The following ANKRD13D variants were observed in gnomAD, a reference collection of about 807,000 sequenced individuals.
ANKRD13D encodes ankyrin repeat domain-containing protein 13D.
Under a neutral mutation model 68.8 loss-of-function variants are expected in ANKRD13D, and 24 were observed. The ratio of observed to expected loss-of-function variants is 0.35; its 90% CI spans 0.25 to 0.49. ANKRD13D has a LOEUF of 0.49. Ranked by LOEUF, ANKRD13D falls within the 20% of genes least tolerant of loss-of-function variation. The probability of loss-of-function intolerance (pLI) is 0.99; values close to 1 mark genes in which losing one functional copy is unlikely to be tolerated. For missense variants in ANKRD13D, 735 were observed against 832.1 expected, an observed-to-expected ratio of 0.88 and a Z score of 1.44; for synonymous variants, 331 against 336.1, an observed-to-expected ratio of 0.98 and a Z score of 0.16.
intron 3 of ANKRD13D, chr11:67,291,197 A>C (rs1184499447): frequency 1.2e-5 from 5 of 416,944 alleles, no homozygotes; most frequent in Admixed American, 8.4e-5. Flanking sequence ...TCTCTACAAA[A>C]AGTACAAAAA....
Position 67,301,962 on chromosome 11 carries a change from T to C in ANKRD13D, c.1604+139T>C. ...CAGCAGCGCTATCTGCCACCAAAGG[T>C]GGTGTGAGGGGTGGGGAAGCAGGGC... On this transcript the variant is annotated intron_variant, in intron 14 of 14. Transcript: ENST00000511455. This position sits in a 1 kb window ranked among gnomAD's most constrained non-coding sequence, Gnocchi z 4.5. 6 of 1,326,144 alleles carry C rather than the reference T, an allele frequency of 4.5e-6. No individual in the cohort carries two copies. Among genetic ancestry groups the C allele is most frequent in the Non-Finnish European group, 5.1e-6 (5 of 985,466 alleles). The allele number at this position is 1,326,144 out of a possible 1,614,324, so 82.1% of individuals were successfully genotyped here.
At chr11:67,297,159 A>G (rs1467033413) in intron 6 of ANKRD13D, among the ~76,000 whole-genome samples, 4 of 151,618 alleles carry the variant, frequency 2.6e-5, no homozygotes, top group African/African-American at 9.7e-5. Flanking sequence ...TTGATTTGAG[A>G]TCTTCTTTCT....
In ANKRD13D at chr11:67,300,583, A is replaced by G. The variant is rs1264498648; in HGVS notation, c.1074-407A>G. The G allele has an allele frequency of 1.3e-5, 5 of 378,692 alleles. No individual in the cohort carries two copies. The highest frequency in any genetic ancestry group is 6.2e-5 in the African/African-American group (3 of 48,552). 23.5% of individuals were successfully genotyped at this position (378,692 alleles called of 1,614,324 possible). A position where few individuals can be genotyped will look rare whatever the true frequency, so the allele number is the denominator to read the frequency against. ...TCAGGAGGATTCTCTTAGCCACCCA[A>G]CAGTCGCTGGGATTCGAACCCTGGC... is the stretch of plus-strand genomic sequence containing the variant. On this transcript the variant is annotated intron_variant, in intron 10 of 14. Coordinates refer to ENST00000511455, the MANE Select transcript of ANKRD13D (RefSeq NM_207354.3). This position sits in a 1 kb window ranked among gnomAD's most constrained non-coding sequence, Gnocchi z 4.3.
rs186933117 is a variant in ANKRD13D, at chr11:67,290,004, C to T, written c.91-74C>T. 195 of 1,484,772 alleles carry T rather than the reference C, an allele frequency of 1.3e-4. 1 individual carries two copies. The East Asian group carries it at 4.4e-3, about 33-fold the overall frequency. 92.0% of individuals were successfully genotyped at this position (1,484,772 alleles called of 1,614,324 possible). On this transcript the variant is annotated intron_variant, in intron 1 of 14. Transcript: ENST00000511455. ...CCTTATTTCCCACAGCGATTCCCAA[C>T]CCTGCTCGCCCTGGCAGCCTCCCTG...
At chr11:67,297,883 T>C (rs1051451339) in intron 6 of ANKRD13D, 1 of 152,074 alleles carries the variant, frequency 6.6e-6, no homozygotes, top group Non-Finnish European at 1.5e-5. Flanking sequence ...TTCTGATTTC[T>C]CTTTTGATTT....
chr11:67,290,997 G>A (rs936553637), intron 3 of ANKRD13D: 2 of 190,960 alleles, frequency 1.0e-5, no homozygotes, highest in African/African-American at 4.8e-5. Context: ...CCACTGTAGT[G>A]CCCCACTTGG....
chr11:67,292,156 A>G lies in ANKRD13D; in HGVS notation c.707A>G (p.Asp236Gly). 1 of 1,603,662 alleles carries G rather than the reference A, an allele frequency of 6.2e-7. No individual in the cohort carries two copies. Among genetic ancestry groups the G allele is most frequent in the South Asian group, 1.1e-5 (1 of 90,766 alleles). Residue 236 changes from aspartate (D) to glycine (G), a missense_variant, in exon 6 of 15, where the codon GAC becomes GGC. Transcript: ENST00000511455. ...LTSPIVSTHL[D>G]TRNVAFERNK... ...TCTCCTATCGTCTCCACCCACCTGG[A>G]CACTCGTAATGTGGCCTTTGAGAGG...
intron 3 of ANKRD13D, 27 bp from the exon 4 acceptor site, chr11:67,291,449 C>T (rs780618745): frequency 1.2e-6 from 2 of 1,613,154 alleles, no homozygotes; most frequent in South Asian, 2.2e-5. Flanking sequence ...AGGCAGGGCG[C>T]TGACAAGCAG....
At chr11:67,296,467 T>A (rs1224341124) in intron 6 of ANKRD13D, among the ~76,000 whole-genome samples, 5 of 152,172 alleles carry the variant, frequency 3.3e-5, no homozygotes, top group African/African-American at 1.2e-4. Flanking sequence ...GTTTTGGTAG[T>A]TTGTGTCTCA....
intron 3 of ANKRD13D, 103 bp from the exon 4 acceptor site, chr11:67,291,373 A>T: frequency 8.4e-7 from 1 of 1,183,808 alleles, no homozygotes; most frequent in Non-Finnish European, 1.2e-6. Context: ...AAAAAAAAAA[A>T]AAGACCTGAT....
rs566732034 is a variant in ANKRD13D at position 67,298,712 on chromosome 11, A to G, written c.732-346A>G. On this transcript the variant is annotated intron_variant, in intron 6 of 14. Coordinates refer to ENST00000511455, the MANE Select transcript of ANKRD13D (RefSeq NM_207354.3). ...ATCTATCCTTCCTTACCTTTTTTAA[A>G]AATGTTTCCTAGAGTGTGTCAAAGC... 1.6e-5 allele frequency: 4 copies of G among 245,900 alleles called. No homozygotes were observed. In the South Asian group the frequency reaches 3.6e-4, roughly 22 times the overall value. 15.2% of individuals were successfully genotyped at this position (245,900 alleles called of 1,614,324 possible).
chr11:67,290,690 G>A lies in ANKRD13D; in HGVS notation c.351+244G>A, dbSNP rs141725111. 9.1e-5 allele frequency: 46 copies of A among 503,748 alleles called. No individual in the cohort carries two copies. In the East Asian group the frequency reaches 1.1e-3, roughly 12 times the overall value. The allele number at this position is 503,748 out of a possible 1,614,324, so 31.2% of individuals were successfully genotyped here. A position where few individuals can be genotyped will look rare whatever the true frequency, so the allele number is the denominator to read the frequency against. On this transcript the variant is annotated intron_variant, in intron 3 of 14. Transcript: ENST00000511455. Reference sequence around the variant, plus strand: ...GCCAGCTTTGGGCCTCCTGAAGAATGCAGATTACCTGGAGCAGGGACTTCA... The same window carrying A: ...GCCAGCTTTGGGCCTCCTGAAGAATACAGATTACCTGGAGCAGGGACTTCA...
At chr11:67,291,849 G>T in intron 5 of ANKRD13D, 103 bp downstream of exon 5, 1 of 1,529,754 alleles carries the variant, frequency 6.5e-7, no homozygotes. Context: ...TGTGGAAGCT[G>T]AGGTTGGGGA....
intron 6 of ANKRD13D, among the ~76,000 whole-genome samples, chr11:67,294,815 G>C (rs1860701834): frequency 2.0e-5 from 3 of 151,928 alleles, no homozygotes; most frequent in Admixed American, 6.6e-5. Flanking sequence ...TGGCCACTAA[G>C]GGTTTTATTC....
rs1045484108 is a variant in ANKRD13D at position 67,300,900 on chromosome 11, G to A, written c.1074-90G>A. 2.8e-5 allele frequency: 42 copies of A among 1,506,864 alleles called. No homozygotes were observed. Among genetic ancestry groups the A allele is most frequent in the Non-Finnish European group, 3.7e-5 (41 of 1,113,872 alleles). 93.3% of individuals were successfully genotyped at this position (1,506,864 alleles called of 1,614,324 possible). A position where few individuals can be genotyped will look rare whatever the true frequency, so the allele number is the denominator to read the frequency against. ...GCACTCCAGGCCAGGCAGAAGGTGG[G>A]TAAAGGCAGCTGCCCACGAACCAGA... On this transcript the variant is annotated intron_variant, in intron 10 of 14. Transcript: ENST00000511455. The surrounding 1 kb of genome is among the most constrained non-coding windows in gnomAD (Gnocchi z 4.3).
chr11:67,299,136 TA>T lies in ANKRD13D; in HGVS notation c.798+13del, dbSNP rs772951082. ...GCTACGAGGCCAAGGCAGGAGAGGC[TA>T]GGGGTGGGGGGCTGGGGGTAGGAGA... On this transcript the variant is annotated intron_variant, in intron 7 of 14. Transcript: ENST00000511455. This position sits in a 1 kb window ranked among gnomAD's most constrained non-coding sequence, Gnocchi z 6.2. 8 of 1,453,192 alleles carry T rather than the reference TA, an allele frequency of 5.5e-6. No homozygotes were observed. The highest frequency in any genetic ancestry group is 1.5e-5 in the African/African-American group (1 of 66,352). 90.0% of individuals were successfully genotyped at this position (1,453,192 alleles called of 1,614,324 possible).
Position 67,301,394 on chromosome 11 carries a change from A to C in ANKRD13D, c.1344A>C (p.Ala448=). Residue 448 remains alanine, a synonymous_variant, in exon 12 of 15, where the codon GCA becomes GCC. Transcript: ENST00000511455. The surrounding 1 kb of genome is among the most constrained non-coding windows in gnomAD (Gnocchi z 4.5). ...WVPAPSSAVA[A]SGNPFPCEVD... The stretch of plus-strand genomic sequence containing the variant: ...CGGCCCCCAGCTCTGCTGTTGCCGC[A>C]TCAGGTACCCCAACGGGAGGAAGAG... 6.2e-7 allele frequency: 1 copy of C among 1,610,850 alleles called. No individual in the cohort carries two copies. The highest frequency in any genetic ancestry group is 8.5e-7 in the Non-Finnish European group (1 of 1,178,474).
chr11:67,292,439 C>T (rs1860597883), intron 6 of ANKRD13D, among the ~76,000 whole-genome samples: 1 of 152,068 alleles, frequency 6.6e-6, no homozygotes. Context: ...CATATGTTTT[C>T]CCATTAAGAC....
At chr11:67,295,561 C>T (rs1860729068) in intron 6 of ANKRD13D, among the ~76,000 whole-genome samples, 1 of 151,778 alleles carries the variant, frequency 6.6e-6, no homozygotes, top group African/African-American at 2.4e-5. Flanking sequence ...ATCATCTCTA[C>T]TAAAAATACA....
Sources: gnomAD v4.1 joint callset for allele counts (sites outside exome capture counted in the v4.1 genomes callset) on GRCh38, gnomAD v4.1.1 for gene constraint, Gnocchi (gnomAD v3.1) non-coding constraint, MANE v1.5 for transcripts, NCBI Gene and HGNC (gene_info 2026-07-23, HGNC 2026-07-21) for gene names.